Variants in SPAG9 observed in about 807,000 individuals in gnomAD.
SPAG9 encodes the protein C-Jun-amino-terminal kinase-interacting protein 4.
SPAG9 carries 35 observed loss-of-function variants against 166.5 expected under a neutral mutation model. The ratio of observed to expected loss-of-function variants is 0.21; its 90% confidence interval spans 0.16 to 0.28. The LOEUF is 0.28. SPAG9 is among the 10% of genes least tolerant of loss of function. The probability of loss-of-function intolerance (pLI) is 1.00; values close to 1 mark genes in which losing one functional copy is unlikely to be tolerated. For synonymous variants in SPAG9, 534 were observed against 565.5 expected (o/e 0.94, Z 0.79); for missense variants, 1,235 against 1,603.3 (o/e 0.77, Z 3.92).
intron 4 of SPAG9, among the ~76,000 whole-genome samples, chr17:51,043,290 A>G (rs2046908555): frequency 6.6e-6 from 1 of 152,226 alleles, no homozygotes; most frequent in South Asian, 2.1e-4. Flanking sequence ...CCATGTTTAC[A>G]CCAGTTATTC....
chr17:51,011,632 C>T (rs552869854), intron 9 of SPAG9, among the ~76,000 whole-genome samples: 2 of 152,276 alleles, frequency 1.3e-5, no homozygotes, highest in African/African-American at 4.8e-5. Flanking sequence ...ATCTGCCCAC[C>T]TCGGTCTCCC....
intron 27 of SPAG9, chr17:50,976,505 T>C (rs542214452): frequency 4.6e-5 from 7 of 153,754 alleles, no homozygotes; most frequent in Admixed American, 1.3e-4. Context: ...ATGTATTTTA[T>C]AGACTTACAG....
chr17:51,113,893 G>C (rs2049201857), intron 1 of SPAG9, among the ~76,000 whole-genome samples: 2 of 152,096 alleles, frequency 1.3e-5, no homozygotes, highest in African/African-American at 4.8e-5. Context: ...TATTCCGGAA[G>C]TTGAGATGGG....
At chr17:50,975,184 T>C (rs981453366) in intron 27 of SPAG9, 18 of 434,858 alleles carry the variant, frequency 4.1e-5, no homozygotes, top group Non-Finnish European at 6.9e-5. Context: ...ATAAGTAAGC[T>C]TATTTTTTAA....
chr17:51,014,339 C>T lies in SPAG9; in HGVS notation c.1106G>A (p.Gly369Asp), dbSNP rs2045611794. Residue 369 changes from glycine (G) to aspartate (D), a missense_variant, in exon 9 of 30, where the codon GGC becomes GAC. Gly to Asp is a moderately conservative substitution (Grantham distance 94). Coordinates refer to ENST00000262013, the MANE Select transcript of SPAG9 (RefSeq NM_001130528.3). ...GYKGSSTPTK[G>D]IENKAFDRNT... ...GCGATCAAAAGCTTTGTTCTCTATG[C>T]CTTTGGTGGGAGTGCTATGCAACAA... 4 of 1,611,428 alleles carry T rather than the reference C, an allele frequency of 2.5e-6. No homozygotes were observed. In the East Asian group the frequency reaches 8.9e-5, roughly 36 times the overall value.
chr17:51,108,657 C>A (rs954784401), intron 1 of SPAG9, among the ~76,000 whole-genome samples: 3 of 151,718 alleles, frequency 2.0e-5, no homozygotes, highest in African/African-American at 7.3e-5. Flanking sequence ...CCACCACACT[C>A]GGCTAATTTT....
intron 1 of SPAG9, among the ~76,000 whole-genome samples, chr17:51,081,887 C>T (rs572864338): frequency 6.6e-6 from 1 of 152,178 alleles, no homozygotes; most frequent in African/African-American, 2.4e-5. Context: ...TCTCTTCCTA[C>T]CCTCTTCTCC....
At chr17:51,059,075 T>C (rs1004780952) in intron 2 of SPAG9, among the ~76,000 whole-genome samples, 3 of 152,152 alleles carry the variant, frequency 2.0e-5, no homozygotes, top group South Asian at 2.1e-4. Flanking sequence ...AAACAAATTA[T>C]TGCCACACAC....
chr17:51,006,914 AC>A (rs2045243689), intron 10 of SPAG9, among the ~76,000 whole-genome samples: 1 of 152,122 alleles, frequency 6.6e-6, no homozygotes, highest in Admixed American at 6.6e-5. Flanking sequence ...AATAAAAGAA[AC>A]CCCAGGAGAA....
intron 6 of SPAG9, among the ~76,000 whole-genome samples, chr17:51,022,396 G>A (rs566802671): frequency 1.3e-4 from 20 of 152,180 alleles, no homozygotes; most frequent in African/African-American, 4.1e-4. Flanking sequence ...CACTATTATA[G>A]GATCTACAGA....
At chr17:51,022,029 A>T (rs894063205) in intron 6 of SPAG9, among the ~76,000 whole-genome samples, 1 of 150,130 alleles carries the variant, frequency 6.7e-6, no homozygotes, top group Non-Finnish European at 1.5e-5. Flanking sequence ...AGGCTGAGGC[A>T]GGAGAATTGC....
At chr17:51,061,969 G>T (rs531367179) in intron 2 of SPAG9, among the ~76,000 whole-genome samples, 47 of 152,084 alleles carry the variant, frequency 3.1e-4, no homozygotes, top group Non-Finnish European at 1.5e-5. Flanking sequence ...AAGGTGAAAT[G>T]GTTATATTTA....
intron 1 of SPAG9, among the ~76,000 whole-genome samples, chr17:51,094,064 A>G (rs2048546315): frequency 6.6e-6 from 1 of 152,152 alleles, no homozygotes; most frequent in Non-Finnish European, 1.5e-5. Context: ...CCAGGTTGCA[A>G]TAATGTAAAT....
At chr17:51,000,182 G>A (rs952907449) in intron 13 of SPAG9, among the ~76,000 whole-genome samples, 1 of 152,070 alleles carries the variant, frequency 6.6e-6, no homozygotes, top group African/African-American at 2.4e-5. Context: ...TCCATCACTG[G>A]AAAGATGACC....
At chr17:51,055,682 A>T (rs541512925) in intron 3 of SPAG9, among the ~76,000 whole-genome samples, 3 of 152,038 alleles carry the variant, frequency 2.0e-5, no homozygotes, top group Non-Finnish European at 1.5e-5. Flanking sequence ...GAGAGGAATT[A>T]TTTTTTTCAT....
At position 51,090,735 on chromosome 17, in the gene SPAG9, G is replaced by A. The variant is rs537028477; in HGVS notation, c.304-11031C>T. Among the ~76,000 whole-genome samples, 11 of 152,252 alleles carry A rather than the reference G, an allele frequency of 7.2e-5. No individual in the cohort carries two copies. The South Asian group carries it at 2.3e-3, about 32-fold the overall frequency. On this transcript the variant is annotated intron_variant, in intron 1 of 29. Transcript: ENST00000262013. Reference sequence around the variant, plus strand: ...TCAACAGTCACCTAATTGAGGTTAAGGCTGATAAGAGATGGCTGATATTTC... The same window carrying A: ...TCAACAGTCACCTAATTGAGGTTAAAGCTGATAAGAGATGGCTGATATTTC...
intron 2 of SPAG9, among the ~76,000 whole-genome samples, chr17:51,077,049 TCTAGCTAGCTATCTAG>T (rs1402803304): frequency 0.021 from 1,496 of 71,586 alleles, 41 homozygotes; most frequent in East Asian, 0.072. Context: ...TATCTAGCTA[TCTAGCTAGCTATCTAG>T]CTAGCTATCT....
rs1479079551 is a variant in SPAG9 at position 51,048,598 on chromosome 17, AT to A, written c.496-1130del. On this transcript the variant is annotated intron_variant, in intron 3 of 29. Coordinates refer to ENST00000262013, the MANE Select transcript of SPAG9 (RefSeq NM_001130528.3). Reference sequence around the variant, plus strand: ...TAACTTAAAATATGCACTGTAGCATATTAAGTAACAAAATAAAATTTTTAAA... The same window carrying A: ...TAACTTAAAATATGCACTGTAGCATATAAGTAACAAAATAAAATTTTTAAA... Among the ~76,000 whole-genome samples the A allele has an allele frequency of 3.3e-5, 5 of 152,322 alleles. No individual in the cohort carries two copies. The East Asian group carries it at 9.6e-4, about 29-fold the overall frequency.
At chr17:51,097,703 A>G (rs2048684878) in intron 1 of SPAG9, among the ~76,000 whole-genome samples, 1 of 152,162 alleles carries the variant, frequency 6.6e-6, no homozygotes, top group Non-Finnish European at 1.5e-5. Context: ...CACTATCTCA[A>G]GTAGACAGTG....
Sources: allele counts gnomAD v4.1 joint callset (sites outside exome capture counted in the v4.1 genomes callset), GRCh38; gene constraint gnomAD v4.1.1; transcripts MANE v1.5; gene names NCBI Gene and HGNC (gene_info 2026-07-23, HGNC 2026-07-21).